The following SMIM38 variants were observed in gnomAD, a reference collection of about 807,000 sequenced individuals.
SMIM38 encodes small integral membrane protein 38.
intron 1 of SMIM38, among the ~76,000 whole-genome samples, chr11:69,156,886 C>T (rs1251810229): frequency 6.6e-6 from 1 of 152,206 alleles, no homozygotes; most frequent in Admixed American, 6.5e-5. Context: ...TCCAGGGTGA[C>T]TGTGAGGATG....
Position 69,160,723 on chromosome 11 carries a change from A to G in SMIM38, c.*2627A>G, listed in dbSNP as rs1160813692. On this transcript the variant is annotated 3_prime_UTR_variant, in exon 3 of 3. Transcript: ENST00000686237. The stretch of plus-strand genomic sequence containing the variant: ...ATTGGTTTCTGTTCCTGGAAAATGG[A>G]CACAATTCTGATGAATTCATGTATT... 6.6e-6 allele frequency: 1 copy of G among 152,216 alleles called. No individual in the cohort carries two copies. Among genetic ancestry groups the G allele is most frequent in the Non-Finnish European group, 1.5e-5 (1 of 68,060 alleles). The allele number at this position is 152,216 out of a possible 1,614,324, so 9.4% of individuals were successfully genotyped here. A position where few individuals can be genotyped will look rare whatever the true frequency, so the allele number is the denominator to read the frequency against.
rs1293253713 is a variant in SMIM38 at position 69,162,147 on chromosome 11, CA to C, written c.*4053del. Reference sequence around the variant, plus strand: ...TGCAGTATTCAAGGCACCACAGATACAATGTTGAATAAGGCAAAGCACCTGC... The same window carrying C: ...TGCAGTATTCAAGGCACCACAGATACATGTTGAATAAGGCAAAGCACCTGC... On this transcript the variant is annotated 3_prime_UTR_variant, in exon 3 of 3. Coordinates refer to ENST00000686237, the MANE Select transcript of SMIM38 (RefSeq NM_001369201.2). 2.0e-5 allele frequency: 3 copies of C among 152,142 alleles called. No homozygotes were observed. The highest frequency in any genetic ancestry group is 7.2e-5 in the African/African-American group (3 of 41,402). The allele number at this position is 152,142 out of a possible 1,614,324, so 9.4% of individuals were successfully genotyped here.
rs536711255 is a variant in SMIM38, at chr11:69,158,959, C to T, written c.*957C>T. 1 of 152,342 alleles carries T rather than the reference C, an allele frequency of 6.6e-6. No homozygotes were observed. Among genetic ancestry groups the T allele is most frequent in the East Asian group, 1.9e-4 (1 of 5,188 alleles). The allele number at this position is 152,342 out of a possible 1,614,324, so 9.4% of individuals were successfully genotyped here. A position where few individuals can be genotyped will look rare whatever the true frequency, so the allele number is the denominator to read the frequency against. On this transcript the variant is annotated 3_prime_UTR_variant, in exon 2 of 3. Transcript: ENST00000686237. ...ATTTCCTGGGATCGTTCCAGCAGAT[C>T]GTGGATTGCAGCGAGGGCTGCTGAC...
In SMIM38 at chr11:69,158,882, C is replaced by G. The variant is rs565376503; in HGVS notation, c.*880C>G. ...TGGGGAAGCTCAAAGGCTCCACATT[C>G]GAGCCTCTTGGGGGAAATTCGGCAA... On this transcript the variant is annotated 3_prime_UTR_variant, in exon 2 of 3. Transcript: ENST00000686237. 6.6e-6 allele frequency: 1 copy of G among 152,232 alleles called. No individual in the cohort carries two copies. Among genetic ancestry groups the G allele is most frequent in the Non-Finnish European group, 1.5e-5 (1 of 68,058 alleles). The allele number at this position is 152,232 out of a possible 1,614,324, so 9.4% of individuals were successfully genotyped here.
Position 69,158,016 on chromosome 11 carries a change from G to A in SMIM38, c.*14G>A, listed in dbSNP as rs1030109306. 11 of 398,738 alleles carry A rather than the reference G, an allele frequency of 2.8e-5. No homozygotes were observed. The highest frequency in any genetic ancestry group is 2.3e-4 in the African/African-American group (11 of 48,642). The allele number at this position is 398,738 out of a possible 1,614,324, so 24.7% of individuals were successfully genotyped here. On this transcript the variant is annotated 3_prime_UTR_variant, in exon 2 of 3. Transcript: ENST00000686237. Reference sequence around the variant, plus strand: ...AAGCAGGACTAAGCCTCTGCAGGCTGCGGCCTCCACGCGCCCTGTCCCGAG... The same window carrying A: ...AAGCAGGACTAAGCCTCTGCAGGCTACGGCCTCCACGCGCCCTGTCCCGAG...
At position 69,157,744 on chromosome 11, in the gene SMIM38, T is replaced by C. The variant is rs1185064375; in HGVS notation, c.-103T>C. On this transcript the variant is annotated 5_prime_UTR_variant, in exon 2 of 3. Transcript: ENST00000686237. ...TGGACGGAGCTTCCTGTCCTGGGTC[T>C]GCACAGCAGCCACTTGGCAGTGCCG... 2.5e-6 allele frequency: 1 copy of C among 397,690 alleles called. No homozygotes were observed. The highest frequency in any genetic ancestry group is 3.6e-5 in the East Asian group (1 of 28,030). 24.6% of individuals were successfully genotyped at this position (397,690 alleles called of 1,614,324 possible).
rs1857012595 is a variant in SMIM38, at chr11:69,158,047, G to A, written c.*45G>A. On this transcript the variant is annotated 3_prime_UTR_variant, in exon 2 of 3. Coordinates refer to ENST00000686237, the MANE Select transcript of SMIM38 (RefSeq NM_001369201.2). ...TCCACGCGCCCTGTCCCGAGACTCAGCCGGCCCTTCCAGTGGTGGTGGGAG... is the reference window on the plus strand; with the variant it reads ...TCCACGCGCCCTGTCCCGAGACTCAACCGGCCCTTCCAGTGGTGGTGGGAG... 2 of 398,644 alleles carry A rather than the reference G, an allele frequency of 5.0e-6. No homozygotes were observed. Among genetic ancestry groups the A allele is most frequent in the Non-Finnish European group, 4.4e-6 (1 of 226,232 alleles). 24.7% of individuals were successfully genotyped at this position (398,644 alleles called of 1,614,324 possible).
Position 69,160,659 on chromosome 11 carries a change from C to G in SMIM38, c.*2563C>G, listed in dbSNP as rs1020336733. 1.3e-5 allele frequency: 2 copies of G among 152,256 alleles called. No homozygotes were observed. The highest frequency in any genetic ancestry group is 6.5e-5 in the Admixed American group (1 of 15,288). 9.4% of individuals were successfully genotyped at this position (152,256 alleles called of 1,614,324 possible). ...CCTCCGACTCCCTATCTCAGTTACA[C>G]TGGTCCATAATTTCTTTTCTTTTTC... On this transcript the variant is annotated 3_prime_UTR_variant, in exon 3 of 3. Transcript: ENST00000686237.
chr11:69,160,822 T>G lies in SMIM38; in HGVS notation c.*2726T>G, dbSNP rs532774678. ...CAGAACAGGCAATCAGGCCATGGCATCTGAATGAATGAGAGGGTGTGCCCT... is the reference window on the plus strand; with the variant it reads ...CAGAACAGGCAATCAGGCCATGGCAGCTGAATGAATGAGAGGGTGTGCCCT... On this transcript the variant is annotated 3_prime_UTR_variant, in exon 3 of 3. Transcript: ENST00000686237. 1 of 152,368 alleles carries G rather than the reference T, an allele frequency of 6.6e-6. No homozygotes were observed. The highest frequency in any genetic ancestry group is 1.9e-4 in the East Asian group (1 of 5,184). The allele number at this position is 152,368 out of a possible 1,614,324, so 9.4% of individuals were successfully genotyped here. A position where few individuals can be genotyped will look rare whatever the true frequency, so the allele number is the denominator to read the frequency against.
rs1857006388 is a variant in SMIM38 at position 69,157,633 on chromosome 11, AGTCTGGCGGGCAGATCTG to A, written c.-212_-195del. On this transcript the variant is annotated 5_prime_UTR_variant, in exon 2 of 3. Coordinates refer to ENST00000686237, the MANE Select transcript of SMIM38 (RefSeq NM_001369201.2). ...ACATGCCAGGGAGGCCCCGGGCTGG[AGTCTGGCGGGCAGATCTG>A]GCCTGCTTGGTGGCACCAGAGAGAA... 2 of 392,378 alleles carry A rather than the reference AGTCTGGCGGGCAGATCTG, an allele frequency of 5.1e-6. No individual in the cohort carries two copies. The highest frequency in any genetic ancestry group is 2.9e-4 in the South Asian group (2 of 6,970). The allele number at this position is 392,378 out of a possible 1,614,324, so 24.3% of individuals were successfully genotyped here.
In SMIM38 at chr11:69,158,542, C is replaced by T. The variant is rs1363708646; in HGVS notation, c.*540C>T. On this transcript the variant is annotated 3_prime_UTR_variant, in exon 2 of 3. Coordinates refer to ENST00000686237, the MANE Select transcript of SMIM38 (RefSeq NM_001369201.2). ...CCCCTGGGAAGGGTCTCAGGACGCA[C>T]TTGTGAGGCTGAGTTGACAAGCCAG... is the stretch of plus-strand genomic sequence containing the variant. 6.6e-6 allele frequency: 1 copy of T among 152,312 alleles called. No individual in the cohort carries two copies. Among genetic ancestry groups the T allele is most frequent in the Non-Finnish European group, 1.5e-5 (1 of 68,110 alleles). The allele number at this position is 152,312 out of a possible 1,614,324, so 9.4% of individuals were successfully genotyped here. A position where few individuals can be genotyped will look rare whatever the true frequency, so the allele number is the denominator to read the frequency against.
chr11:69,156,825 C>G (rs967218533), intron 1 of SMIM38, among the ~76,000 whole-genome samples: 1 of 152,190 alleles, frequency 6.6e-6, no homozygotes, highest in African/African-American at 2.4e-5. Flanking sequence ...TGAGAGGTTG[C>G]ACAACTTGCC....
chr11:69,158,071 A>C lies in SMIM38; in HGVS notation c.*69A>C, dbSNP rs1289486126. 9 of 397,436 alleles carry C rather than the reference A, an allele frequency of 2.3e-5. No individual in the cohort carries two copies. The highest frequency in any genetic ancestry group is 1.4e-4 in the African/African-American group (7 of 48,488). The allele number at this position is 397,436 out of a possible 1,614,324, so 24.6% of individuals were successfully genotyped here. On this transcript the variant is annotated 3_prime_UTR_variant, in exon 2 of 3. Transcript: ENST00000686237. ...AGCCGGCCCTTCCAGTGGTGGTGGG[A>C]GGGAGGGGAGCAGGGCAGGCGCATG... is the stretch of plus-strand genomic sequence containing the variant.
At position 69,158,178 on chromosome 11, in the gene SMIM38, C is replaced by T. The variant is rs890215572; in HGVS notation, c.*176C>T. Reference sequence around the variant, plus strand: ...CTTCCCAGACTGACCAGGGCTGTCCCGTAGAGGCAGCTGGCCATGTGGGGA... The same window carrying T: ...CTTCCCAGACTGACCAGGGCTGTCCTGTAGAGGCAGCTGGCCATGTGGGGA... On this transcript the variant is annotated 3_prime_UTR_variant, in exon 2 of 3. Transcript: ENST00000686237. 1.0e-4 allele frequency: 41 copies of T among 393,662 alleles called. No homozygotes were observed. Among genetic ancestry groups the T allele is most frequent in the Non-Finnish European group, 1.5e-4 (34 of 223,540 alleles). The allele number at this position is 393,662 out of a possible 1,614,324, so 24.4% of individuals were successfully genotyped here. A position where few individuals can be genotyped will look rare whatever the true frequency, so the allele number is the denominator to read the frequency against.
rs186103424 is a variant in SMIM38 at position 69,161,802 on chromosome 11, C to G, written c.*3706C>G. 2 of 152,160 alleles carry G rather than the reference C, an allele frequency of 1.3e-5. No homozygotes were observed. The highest frequency in any genetic ancestry group is 2.9e-5 in the Non-Finnish European group (2 of 68,032). 9.4% of individuals were successfully genotyped at this position (152,160 alleles called of 1,614,324 possible). On this transcript the variant is annotated 3_prime_UTR_variant, in exon 3 of 3. Transcript: ENST00000686237. The stretch of plus-strand genomic sequence containing the variant: ...TCTTCCCCCCAATTCATATGTTGAA[C>G]CTTTAATGCCTAATACTTCAGAAAG...
Position 69,157,868 on chromosome 11 carries a change from A to C in SMIM38, c.22A>C (p.Ser8Arg). 2.5e-6 allele frequency: 1 copy of C among 398,932 alleles called. No individual in the cohort carries two copies. The highest frequency in any genetic ancestry group is 4.4e-6 in the Non-Finnish European group (1 of 226,296). 24.7% of individuals were successfully genotyped at this position (398,932 alleles called of 1,614,324 possible). The change falls in exon 2 of 3, where the codon AGC (serine) becomes CGC (arginine). Residue 8 changes from serine to arginine, a missense_variant. Coordinates refer to ENST00000686237, the MANE Select transcript of SMIM38 (RefSeq NM_001369201.2). MTSWPGG[S>R]FGPDPLLALL... ...AGGCATGACCTCCTGGCCAGGTGGC[A>C]GCTTTGGCCCTGACCCGCTCCTGGC...
chr11:69,159,412 A>C (rs1857030574), intron 2 of SMIM38, 34 bp from the exon 3 acceptor site: 2 of 136,272 alleles, frequency 1.5e-5, no homozygotes, highest in South Asian at 4.6e-4. Flanking sequence ...CACCTATGCC[A>C]AGGAAATTTT....
Position 69,157,999 on chromosome 11 carries a change from C to A in SMIM38, c.153C>A (p.Asp51Glu), listed in dbSNP as rs996318078. Reference sequence around the variant, plus strand: ...GGCGGCCCCAGAAACCCAAGCAGGACTAAGCCTCTGCAGGCTGCGGCCTCC... The same window carrying A: ...GGCGGCCCCAGAAACCCAAGCAGGAATAAGCCTCTGCAGGCTGCGGCCTCC... ...AQRRPQKPKQD is the reference protein window; with the variant it reads ...AQRRPQKPKQE Residue 51 changes from aspartate (D) to glutamate (E), a missense_variant, in exon 2 of 3, where the codon GAC becomes GAA. Asp to Glu is a conservative substitution (Grantham distance 45, BLOSUM62 2). Transcript: ENST00000686237. 2.5e-6 allele frequency: 1 copy of A among 398,966 alleles called. No individual in the cohort carries two copies. Among genetic ancestry groups the A allele is most frequent in the Non-Finnish European group, 4.4e-6 (1 of 226,370 alleles). The allele number at this position is 398,966 out of a possible 1,614,324, so 24.7% of individuals were successfully genotyped here.
Position 69,159,470 on chromosome 11 carries a change from T to C in SMIM38, c.*1374T>C, listed in dbSNP as rs903779194. ...GGACTTGCTGTGCTCAGATCCTCCA[T>C]TCAAGAGAGCTACAGACACGGGGGT... On this transcript the variant is annotated 3_prime_UTR_variant, in exon 3 of 3. Coordinates refer to ENST00000686237, the MANE Select transcript of SMIM38 (RefSeq NM_001369201.2). 4 of 152,060 alleles carry C rather than the reference T, an allele frequency of 2.6e-5. No individual in the cohort carries two copies. Among genetic ancestry groups the C allele is most frequent in the Middle Eastern group, 3.4e-3 (1 of 294 alleles). 9.4% of individuals were successfully genotyped at this position (152,060 alleles called of 1,614,324 possible).
Sources: allele counts gnomAD v4.1 joint callset (sites outside exome capture counted in the v4.1 genomes callset), GRCh38; gene constraint gnomAD v4.1.1; transcripts MANE v1.5; gene names NCBI Gene and HGNC (gene_info 2026-07-23, HGNC 2026-07-21).